Variants in PAG1 observed in about 807,000 individuals in gnomAD.
The protein encoded by PAG1 is phosphoprotein associated with glycosphingolipid-enriched microdomains 1.
PAG1 carries 23 observed loss-of-function variants against 31.7 expected under a neutral mutation model. The ratio of observed to expected loss-of-function variants is 0.73; its 90% CI spans 0.52 to 1.03. The LOEUF is 1.03. Ranked by LOEUF, PAG1 falls within the 50% of genes least tolerant of loss-of-function variation. PAG1 has a pLI of 0.00. For missense variants in PAG1, 473 were observed against 540.7 expected (o/e 0.87, Z 1.24); for synonymous variants, 214 against 210.3 (o/e 1.02, Z -0.15).
intron 2 of PAG1, chr8:81,039,536 C>G (rs902357919): frequency 6.6e-6 from 1 of 152,212 alleles, no homozygotes; most frequent in Non-Finnish European, 1.5e-5. Context: ...AGACTTGCAG[C>G]CTCCAGAATG....
chr8:81,091,165 C>T (rs1389087777), intron 1 of PAG1, among the ~76,000 whole-genome samples: 2 of 152,156 alleles, frequency 1.3e-5, no homozygotes, highest in Admixed American at 6.5e-5. Flanking sequence ...GTTTTATTGG[C>T]CTCCTCTATT....
At position 80,975,231 on chromosome 8, in the gene PAG1, G is replaced by T. The variant is rs1807156098; in HGVS notation, c.*1313C>A. On this transcript the variant is annotated 3_prime_UTR_variant, in exon 9 of 9. Transcript: ENST00000220597. Reference sequence around the variant, plus strand: ...TATATTCCATTTATTTCTCTAGGGGGTCTAGGTAATTTGAATCAGGAGCTC... The same window carrying T: ...TATATTCCATTTATTTCTCTAGGGGTTCTAGGTAATTTGAATCAGGAGCTC... The T allele has an allele frequency of 2.0e-5, 3 of 152,064 alleles. No homozygotes were observed. The highest frequency in any genetic ancestry group is 7.2e-5 in the African/African-American group (3 of 41,388). 9.4% of individuals were successfully genotyped at this position (152,064 alleles called of 1,614,324 possible).
At chr8:81,083,358 T>C (rs113429618) in intron 1 of PAG1, among the ~76,000 whole-genome samples, 1 of 152,120 alleles carries the variant, frequency 6.6e-6, no homozygotes, top group East Asian at 1.9e-4. Context: ...GTTCCGCATA[T>C]GGTTTCTACT....
intron 2 of PAG1, among the ~76,000 whole-genome samples, chr8:81,047,842 G>A (rs900456686): frequency 1.3e-5 from 2 of 152,152 alleles, no homozygotes; most frequent in African/African-American, 4.8e-5. Flanking sequence ...ACATATAATT[G>A]GAGAGCCCAT....
At position 81,100,449 on chromosome 8, in the gene PAG1, G is replaced by A. The variant is rs117899803; in HGVS notation, c.-234+11142C>T. Among the ~76,000 whole-genome samples, 1,327 of 152,238 alleles carry A rather than the reference G, an allele frequency of 8.7e-3. 9 individuals are homozygous for A. The highest frequency in any genetic ancestry group is 0.03 in the South Asian group (146 of 4,826). On this transcript the variant is annotated intron_variant, in intron 1 of 8. Coordinates refer to ENST00000220597, the MANE Select transcript of PAG1 (RefSeq NM_018440.4). ...TTTTGAGGTAGAAAATTCTTCCCTG[G>A]GGAGGGCTATTTTGTGCATTGTGGA...
intron 8 of PAG1, 68 bp downstream of exon 8, chr8:80,980,367 A>T (rs549906220): frequency 1.2e-6 from 1 of 858,640 alleles, no homozygotes; most frequent in African/African-American, 1.7e-5. Context: ...ATTACAGTGC[A>T]TTTATTCAAG....
At chr8:80,977,090 A>C (rs1045980318) in intron 8 of PAG1, among the ~76,000 whole-genome samples, 184 bp from the exon 9 acceptor site, 2 of 152,134 alleles carry the variant, frequency 1.3e-5, no homozygotes, top group African/African-American at 4.8e-5. Flanking sequence ...CACTATCTTC[A>C]ACTATGTTAA....
At chr8:81,084,098 G>T (rs542213063) in intron 1 of PAG1, among the ~76,000 whole-genome samples, 2 of 152,176 alleles carry the variant, frequency 1.3e-5, no homozygotes, top group African/African-American at 2.4e-5. Context: ...GAAAAGCCAG[G>T]TAACTCACTA....
intron 2 of PAG1, among the ~76,000 whole-genome samples, chr8:81,065,367 G>T (rs745897998): frequency 2.0e-4 from 31 of 151,502 alleles, no homozygotes; most frequent in African/African-American, 6.8e-4. Context: ...ACTTTCAAAC[G>T]GAAGAGTCCT....
chr8:80,982,279 C>T (rs1374546571), intron 7 of PAG1, among the ~76,000 whole-genome samples: 1 of 152,118 alleles, frequency 6.6e-6, no homozygotes, highest in East Asian at 1.9e-4. Context: ...CTGCCTCTAC[C>T]ATTCCACAGA....
intron 3 of PAG1, among the ~76,000 whole-genome samples, chr8:81,020,081 G>A (rs1808136939): frequency 1.3e-5 from 2 of 151,982 alleles, no homozygotes; most frequent in South Asian, 4.2e-4. Flanking sequence ...CCTTTGTTTT[G>A]GCCAATTTCT....
intron 2 of PAG1, among the ~76,000 whole-genome samples, chr8:81,035,283 G>A (rs1303439560): frequency 3.3e-5 from 5 of 152,118 alleles, no homozygotes; most frequent in African/African-American, 1.2e-4. Context: ...AGTCCCAGAC[G>A]CTTGGTTACA....
intron 1 of PAG1, among the ~76,000 whole-genome samples, chr8:81,078,225 T>G (rs1809208717): frequency 6.6e-6 from 1 of 152,192 alleles, no homozygotes; most frequent in Non-Finnish European, 1.5e-5. Flanking sequence ...TAAAATCAAC[T>G]GCAAAAGTAT....
At position 80,993,197 on chromosome 8, in the gene PAG1, C is replaced by A; in HGVS notation, c.31G>T (p.Gly11Ter). The A allele has an allele frequency of 6.2e-7, 1 of 1,612,386 alleles. No individual in the cohort carries two copies. Among genetic ancestry groups the A allele is most frequent in the South Asian group, 1.1e-5 (1 of 90,828 alleles). The change falls in exon 4 of 9, where the codon GGA becomes TGA. Residue 11 changes from glycine to a stop codon, truncating the protein, a stop_gained. Transcript: ENST00000220597. LOFTEE classifies it high-confidence loss of function. ...CCCCACAGGGTGATCTGCATCTGTCCGCTGCCCAGCAGGCTCCCCGCGGGC... is the reference window on the plus strand; with the variant it reads ...CCCCACAGGGTGATCTGCATCTGTCAGCTGCCCAGCAGGCTCCCCGCGGGC... MGPAGSLLGS[G>*]QMQITLWGSL...
At chr8:81,094,051 C>T (rs572693538) in intron 1 of PAG1, among the ~76,000 whole-genome samples, 4 of 152,132 alleles carry the variant, frequency 2.6e-5, no homozygotes, top group African/African-American at 7.2e-5. Context: ...GAGGATGCTG[C>T]GGTAGGGCTC....
rs1807378866 is a variant in PAG1 at position 80,984,789 on chromosome 8, C to T, written c.863G>A (p.Ser288Asn). The change falls in exon 7 of 9, where the codon AGT (serine) becomes AAT (asparagine). Residue 288 changes from serine to asparagine, a missense_variant. Ser to Asn is a conservative substitution (Grantham distance 46). Transcript: ENST00000220597. ...GCCAGTGCCCACCTTGTTAGTTTCA[C>T]TGGTCGTGTCTGTGGCACTCTCTTC... ...EAEESATDTT[S>N]ETNKRFSSLS... 1.2e-6 allele frequency: 2 copies of T among 1,613,208 alleles called. No individual in the cohort carries two copies. Among genetic ancestry groups the T allele is most frequent in the South Asian group, 2.2e-5 (2 of 91,026 alleles).
At chr8:81,044,928 C>CG (rs2130851525) in intron 2 of PAG1, among the ~76,000 whole-genome samples, 1 of 152,274 alleles carries the variant, frequency 6.6e-6, no homozygotes, top group Non-Finnish European at 1.5e-5. Flanking sequence ...CCAGTCTCCC[C>CG]GGGCATAACT....
At chr8:81,099,368 A>T (rs1809575112) in intron 1 of PAG1, among the ~76,000 whole-genome samples, 1 of 152,196 alleles carries the variant, frequency 6.6e-6, no homozygotes, top group African/African-American at 2.4e-5. Context: ...AAAGTAGTAG[A>T]GGGGGTGACC....
At position 80,972,607 on chromosome 8, in the gene PAG1, T is replaced by C. The variant is rs969689283; in HGVS notation, c.*3937A>G. On this transcript the variant is annotated 3_prime_UTR_variant, in exon 9 of 9. Transcript: ENST00000220597. ...CTCTTGCTGCTTTGGGCCAAATCTC[T>C]TATCTCTTTACATTTCCTCCTCTCA... is the stretch of plus-strand genomic sequence containing the variant. 6.6e-6 allele frequency: 1 copy of C among 152,198 alleles called. No individual in the cohort carries two copies. The highest frequency in any genetic ancestry group is 6.5e-5 in the Admixed American group (1 of 15,272). 9.4% of individuals were successfully genotyped at this position (152,198 alleles called of 1,614,324 possible). A position where few individuals can be genotyped will look rare whatever the true frequency, so the allele number is the denominator to read the frequency against.
Sources: gnomAD v4.1 joint callset for allele counts (sites outside exome capture counted in the v4.1 genomes callset) on GRCh38, gnomAD v4.1.1 for gene constraint, MANE v1.5 for transcripts, NCBI Gene and HGNC (gene_info 2026-07-23, HGNC 2026-07-21) for gene names.